The following DOP1B variants were observed in gnomAD, a reference collection of about 807,000 sequenced individuals.
DOP1B encodes the protein DOP1 leucine zipper like protein B, also known as protein DOP1B.
Under a neutral mutation model 233.5 loss-of-function variants are expected in DOP1B, and 174 were observed. The observed-to-expected ratio is 0.75, with a 90% CI of 0.66 to 0.85. The LOEUF (loss-of-function observed/expected upper bound fraction) is 0.85. Among genes scored for constraint, DOP1B ranks in the 40% least tolerant of loss-of-function variants. The pLI is 0.00. For synonymous variants in DOP1B, 1,190 were observed against 1,185.6 expected (o/e 1.00, Z -0.08); for missense variants, 2,652 against 2,846.6 (o/e 0.93, Z 1.56).
chr21:36,162,805 A>G (rs1172157582), intron 1 of DOP1B, among the ~76,000 whole-genome samples: 1 of 151,966 alleles, frequency 6.6e-6, no homozygotes, highest in African/African-American at 2.4e-5. Context: ...TTGGCCTCTC[A>G]AAAGTGCTGA....
At chr21:36,212,722 A>G (rs1375728932) in intron 7 of DOP1B, among the ~76,000 whole-genome samples, 2 of 152,222 alleles carry the variant, frequency 1.3e-5, no homozygotes, top group African/African-American at 2.4e-5. Context: ...GTACCTAAGA[A>G]AACGTATACA....
In DOP1B at chr21:36,245,720, T is replaced by C; in HGVS notation, c.3740T>C (p.Leu1247Pro). The change falls in exon 19 of 37, where the codon CTG (leucine) becomes CCG (proline). Residue 1247 changes from leucine (L) to proline (P), a missense_variant. Physicochemically the swap from Leu to Pro is moderately conservative, Grantham distance 98. Coordinates refer to ENST00000691173, the MANE Select transcript of DOP1B (RefSeq NM_001320714.2). The surrounding 1 kb of genome is among the most constrained non-coding windows in gnomAD (Gnocchi z 5.5). The stretch of plus-strand genomic sequence containing the variant: ...CGGGTCCTCTATGCCTTCTCGGTGC[T>C]GGAGGCTGTGCTCAAAACCAACCCT... ...SRRVLYAFSV[L>P]EAVLKTNPKE... is the part of the protein sequence containing the mutation. 1 of 1,613,870 alleles carries C rather than the reference T, an allele frequency of 6.2e-7. No homozygotes were observed. The highest frequency in any genetic ancestry group is 8.5e-7 in the Non-Finnish European group (1 of 1,179,998).
intron 3 of DOP1B, among the ~76,000 whole-genome samples, 190 bp from the exon 4 acceptor site, chr21:36,200,141 G>A (rs945292750): frequency 4.6e-5 from 7 of 151,854 alleles, no homozygotes; most frequent in African/African-American, 1.2e-4. Flanking sequence ...CTGAACGTGC[G>A]GACAGCTTCA....
At chr21:36,224,546 T>A (rs980777622) in intron 11 of DOP1B, among the ~76,000 whole-genome samples, 1 of 134,290 alleles carries the variant, frequency 7.4e-6, no homozygotes, top group African/African-American at 2.5e-5. Context: ...CTCTCCATCT[T>A]TGCAACATTT....
At chr21:36,204,167 G>A (rs1300660109) in intron 4 of DOP1B, among the ~76,000 whole-genome samples, 3 of 152,162 alleles carry the variant, frequency 2.0e-5, no homozygotes, top group Non-Finnish European at 4.4e-5. Flanking sequence ...GATATTTAGT[G>A]GGTAGAGTCC....
At chr21:36,221,716 C>T (rs918154671) in intron 10 of DOP1B, among the ~76,000 whole-genome samples, 1 of 151,932 alleles carries the variant, frequency 6.6e-6, no homozygotes, top group African/African-American at 2.4e-5. Flanking sequence ...GCTAGGATTA[C>T]AGGCACCTGC....
intron 1 of DOP1B, among the ~76,000 whole-genome samples, chr21:36,161,505 A>G (rs2065869496): frequency 1.3e-5 from 2 of 152,064 alleles, no homozygotes; most frequent in South Asian, 4.2e-4. Flanking sequence ...TCAAGTGTAT[A>G]ATTCAGTGTT....
intron 4 of DOP1B, among the ~76,000 whole-genome samples, chr21:36,200,940 AT>A (rs2066357739): frequency 6.6e-6 from 1 of 151,842 alleles, no homozygotes; most frequent in South Asian, 2.1e-4. Flanking sequence ...GGTGGTTGTG[AT>A]TTCAAATTCC....
At chr21:36,203,379 A>G (rs948423310) in intron 4 of DOP1B, among the ~76,000 whole-genome samples, 1 of 152,196 alleles carries the variant, frequency 6.6e-6, no homozygotes, top group Non-Finnish European at 1.5e-5. Flanking sequence ...TATCCATTTC[A>G]GTCTGAGACG....
chr21:36,260,824 C>G, intron 24 of DOP1B, 92 bp downstream of exon 24: 2 of 1,579,512 alleles, frequency 1.3e-6, no homozygotes, highest in Middle Eastern at 1.7e-4. Flanking sequence ...TATTTCTAGA[C>G]TACTAGAGAG....
intron 7 of DOP1B, among the ~76,000 whole-genome samples, chr21:36,213,279 T>TGATATGCTGTGTGGAGGACA (rs1294445498): frequency 2.0e-5 from 3 of 152,146 alleles, no homozygotes; most frequent in African/African-American, 4.8e-5. Flanking sequence ...CTACGGGACT[T>TGATATGCTGTGTGGAGGACA]GATATGCTGT....
chr21:36,172,718 C>T (rs1231532424), intron 2 of DOP1B, among the ~76,000 whole-genome samples: 1 of 152,134 alleles, frequency 6.6e-6, no homozygotes, highest in Non-Finnish European at 1.5e-5. Context: ...TGCACTCCAT[C>T]CTGGGTGACA....
At chr21:36,217,492 A>C (rs1185748390) in intron 9 of DOP1B, among the ~76,000 whole-genome samples, 1 of 152,196 alleles carries the variant, frequency 6.6e-6, no homozygotes, top group African/African-American at 2.4e-5. Flanking sequence ...CAGGAGCCTA[A>C]GCTGGGTTTG....
At position 36,248,502 on chromosome 21, in the gene DOP1B, A is replaced by G. The variant is rs954957598; in HGVS notation, c.4932A>G (p.Gln1644=). The G allele has an allele frequency of 1.7e-5, 28 of 1,614,094 alleles. No individual in the cohort carries two copies. Among genetic ancestry groups the G allele is most frequent in the African/African-American group, 6.7e-5 (5 of 74,950 alleles). The change falls in exon 21 of 37, where the codon CAA becomes CAG. Residue 1644 remains glutamine (Q), a synonymous_variant. Transcript: ENST00000691173. ...ATGTTCTCAGAAAGGAGGAGACTCA[A>G]AAGAGACCTGTCGATCTCCTAGGGG... is the stretch of plus-strand genomic sequence containing the variant. ...LWNVLRKEET[Q]KRPVDLLGAT...
rs565260233 is a variant in DOP1B, at chr21:36,265,229, C to G, written c.5487+1415C>G. 2.6e-5 allele frequency among the ~76,000 whole-genome samples: 4 copies of G among 152,262 alleles called. No homozygotes were observed. The East Asian group carries it at 7.7e-4, about 29-fold the overall frequency. On this transcript the variant is annotated intron_variant, in intron 26 of 36. Transcript: ENST00000691173. Reference sequence around the variant, plus strand: ...TGGCCAACATGGTGAAACCCCACCTCTACTGAAAATACAAAAATTAGCCAT... The same window carrying G: ...TGGCCAACATGGTGAAACCCCACCTGTACTGAAAATACAAAAATTAGCCAT...
chr21:36,214,395 C>A (rs748821360), intron 8 of DOP1B, 47 bp from the exon 9 acceptor site: 196 of 1,559,414 alleles, frequency 1.3e-4, no homozygotes, highest in Non-Finnish European at 1.7e-4. Context: ...TGTTGTTACA[C>A]TTTATGATAT....
In DOP1B at chr21:36,208,782, G is replaced by T; in HGVS notation, c.559G>T (p.Gly187Trp). 2 of 1,612,864 alleles carry T rather than the reference G, an allele frequency of 1.2e-6. No individual in the cohort carries two copies. Among genetic ancestry groups the T allele is most frequent in the Non-Finnish European group, 1.7e-6 (2 of 1,179,466 alleles). ...AGAGGTGTTTTACACCGCCCTCTGG[G>T]GGAGCGTCCTGGCCAGCCCGTCCAT... ...GKEVFYTALW[G>W]SVLASPSIRL... Residue 187 changes from glycine to tryptophan, a missense_variant, in exon 5 of 37, where the codon GGG becomes TGG. This residue lies in a region of DOP1B where 2,617 missense variants were observed against 2,794.3 expected (regional missense o/e 0.94). Coordinates refer to ENST00000691173, the MANE Select transcript of DOP1B (RefSeq NM_001320714.2).
At chr21:36,278,689 G>A (rs995922443) in intron 30 of DOP1B, among the ~76,000 whole-genome samples, 6 of 152,164 alleles carry the variant, frequency 3.9e-5, no homozygotes, top group Non-Finnish European at 8.8e-5. Context: ...CCAACATGGC[G>A]AAACCCCGTC....
intron 26 of DOP1B, among the ~76,000 whole-genome samples, chr21:36,265,975 T>A (rs1453285127): frequency 2.0e-5 from 3 of 151,778 alleles, no homozygotes; most frequent in Non-Finnish European, 4.4e-5. Flanking sequence ...TAGAGATAGC[T>A]TGAGATCCTG....
Sources: gnomAD v4.1 joint callset for allele counts (sites outside exome capture counted in the v4.1 genomes callset) on GRCh38, gnomAD v4.1.1 for gene constraint, gnomAD v4.1.1 regional missense constraint, Gnocchi (gnomAD v3.1) non-coding constraint, MANE v1.5 for transcripts, NCBI Gene and HGNC (gene_info 2026-07-23, HGNC 2026-07-21) for gene names.